PTPRR: variants seen among roughly 807,000 people sequenced by gnomAD.
PTPRR encodes the protein protein tyrosine phosphatase receptor type R, also known as receptor-type tyrosine-protein phosphatase R.
PTPRR carries 38 observed loss-of-function variants against 77.2 expected under a neutral mutation model. The observed-to-expected ratio is 0.49, with a 90% CI of 0.38 to 0.65. The LOEUF is 0.65. PTPRR is among the 30% of genes least tolerant of loss of function. The pLI is 0.00. For missense variants in PTPRR, 744 were observed against 799.2 expected (o/e 0.93, Z 0.83); for synonymous variants, 299 against 283.1 (o/e 1.06, Z -0.57).
At chr12:70,834,821 C>T (rs928588433) in intron 2 of PTPRR, among the ~76,000 whole-genome samples, 6 of 152,080 alleles carry the variant, frequency 3.9e-5, no homozygotes, top group Admixed American at 2.6e-4. Flanking sequence ...GCATCCTGAT[C>T]ATTTGCCTTC....
chr12:70,794,873 A>G (rs1336177193), intron 2 of PTPRR, among the ~76,000 whole-genome samples: 1 of 151,588 alleles, frequency 6.6e-6, no homozygotes, highest in African/African-American at 2.4e-5. Context: ...GGTGACCCGG[A>G]GAGTAAGAGC....
At chr12:70,815,373 G>T (rs908530817) in intron 2 of PTPRR, among the ~76,000 whole-genome samples, 6 of 152,072 alleles carry the variant, frequency 3.9e-5, no homozygotes, top group Non-Finnish European at 8.8e-5. Flanking sequence ...TGGTGGGGGG[G>T]AGTTCTTAAG....
At chr12:70,883,167 A>C (rs973031967) in intron 2 of PTPRR, among the ~76,000 whole-genome samples, 7 of 152,174 alleles carry the variant, frequency 4.6e-5, no homozygotes, top group Non-Finnish European at 8.8e-5. Context: ...AGGCTGAGGC[A>C]GGAGAATCGC....
intron 10 of PTPRR, among the ~76,000 whole-genome samples, chr12:70,675,934 TCTTTGGTG>T (rs1232661085): frequency 6.6e-6 from 1 of 151,880 alleles, no homozygotes; most frequent in African/African-American, 2.4e-5. Flanking sequence ...GTAATTACTT[TCTTTGGTG>T]CTTTTTCAGT....
At chr12:70,901,223 TAC>T (rs1565735883) in intron 1 of PTPRR, among the ~76,000 whole-genome samples, 1 of 151,554 alleles carries the variant, frequency 6.6e-6, no homozygotes. Context: ...AAAATAGAAC[TAC>T]CATATGTTCC....
At chr12:70,778,708 C>T (rs890848408) in intron 2 of PTPRR, among the ~76,000 whole-genome samples, 45 of 151,856 alleles carry the variant, frequency 3.0e-4, no homozygotes, top group African/African-American at 1.1e-3. Context: ...TTTTTTACTG[C>T]CATCATTTCA....
rs779061388 is a variant in PTPRR at position 70,761,676 on chromosome 12, T to C, written c.472-50A>G. The C allele has an allele frequency of 3.6e-6, 5 of 1,395,490 alleles. No homozygotes were observed. The Admixed American group carries it at 9.8e-5, about 27-fold the overall frequency. The allele number at this position is 1,395,490 out of a possible 1,614,324, so 86.4% of individuals were successfully genotyped here. On this transcript the variant is annotated intron_variant, in intron 3 of 13. Coordinates refer to ENST00000283228, the MANE Select transcript of PTPRR (RefSeq NM_002849.4). ...TTGTTATAGACATTTTAAACAACTT[T>C]GGATAATATTTTTACCTGTCCTTTA...
rs1471216991 is a variant in PTPRR at position 70,698,280 on chromosome 12, T to C, written c.1264A>G (p.Lys422Glu). 6.2e-7 allele frequency: 1 copy of C among 1,613,098 alleles called. No individual in the cohort carries two copies. Among genetic ancestry groups the C allele is most frequent in the Non-Finnish European group, 8.5e-7 (1 of 1,179,396 alleles). The change falls in exon 8 of 14, where the codon AAG becomes GAG. Residue 422 changes from lysine to glutamate, a missense_variant. By Grantham distance (56) the Lys-to-Glu change is moderately conservative. Around this residue, in one of 3 missense-constraint regions of PTPRR, gnomAD observed 570 missense variants for 573.2 expected, o/e 0.99. Coordinates refer to ENST00000283228, the MANE Select transcript of PTPRR (RefSeq NM_002849.4). ...IPRHGTKNRYKTILPNPLSRV... is the reference protein window; with the variant it reads ...IPRHGTKNRYETILPNPLSRV... ...AGAAGCTTACTTGGTAAAATGGTCT[T>C]ATAGCGATTTTTAGTTCCATGACGC...
chr12:70,881,875 T>C (rs1420440780), intron 2 of PTPRR, among the ~76,000 whole-genome samples: 3 of 152,218 alleles, frequency 2.0e-5, no homozygotes, highest in African/African-American at 7.2e-5. Context: ...TTTGAAATAG[T>C]TCTCTTAAGA....
intron 2 of PTPRR, among the ~76,000 whole-genome samples, chr12:70,823,226 T>G (rs1390665256): frequency 1.3e-5 from 2 of 152,018 alleles, no homozygotes; most frequent in Non-Finnish European, 2.9e-5. Flanking sequence ...AAGACTGCCT[T>G]TTAGTTAAAC....
In PTPRR at chr12:70,764,903, T is replaced by A. The variant is rs577991024; in HGVS notation, c.358-125A>T. ...TTCTTGACTCATGACTGACCACAGTTTCTGTGACTCTGCTAAGTTTACACT... is the reference window on the plus strand; with the variant it reads ...TTCTTGACTCATGACTGACCACAGTATCTGTGACTCTGCTAAGTTTACACT... On this transcript the variant is annotated intron_variant, in intron 2 of 13. Coordinates refer to ENST00000283228, the MANE Select transcript of PTPRR (RefSeq NM_002849.4). 27 of 665,380 alleles carry A rather than the reference T, an allele frequency of 4.1e-5. No individual in the cohort carries two copies. The East Asian group carries it at 7.4e-4, about 18-fold the overall frequency. The allele number at this position is 665,380 out of a possible 1,614,324, so 41.2% of individuals were successfully genotyped here.
intron 2 of PTPRR, among the ~76,000 whole-genome samples, chr12:70,809,858 C>T (rs12312403): frequency 0.024 from 3,615 of 152,196 alleles, 90 homozygotes; most frequent in African/African-American, 0.063. Flanking sequence ...CTTTTAAAAA[C>T]GATATTCTGT....
At chr12:70,901,324 T>G (rs1893530523) in intron 1 of PTPRR, among the ~76,000 whole-genome samples, 1 of 151,518 alleles carries the variant, frequency 6.6e-6, no homozygotes, top group Non-Finnish European at 1.5e-5. Flanking sequence ...TGAAGCGTTA[T>G]TCACAATAGC....
At chr12:70,707,554 C>A (rs934038786) in intron 6 of PTPRR, among the ~76,000 whole-genome samples, 7 of 152,026 alleles carry the variant, frequency 4.6e-5, no homozygotes, top group African/African-American at 7.2e-5. Flanking sequence ...GACATTGAGT[C>A]ATTTTCAATT....
At chr12:70,793,621 G>A (rs1891460213) in intron 2 of PTPRR, among the ~76,000 whole-genome samples, 1 of 152,120 alleles carries the variant, frequency 6.6e-6, no homozygotes, top group South Asian at 2.1e-4. Flanking sequence ...AAACACCTGG[G>A]AAAGCTTCAC....
At chr12:70,775,470 T>C (rs897665212) in intron 2 of PTPRR, among the ~76,000 whole-genome samples, 6 of 152,244 alleles carry the variant, frequency 3.9e-5, no homozygotes, top group Non-Finnish European at 8.8e-5. Context: ...AGTATGTGAT[T>C]AGCTTTTAGC....
chr12:70,903,490 G>C (rs1219585459), intron 1 of PTPRR, among the ~76,000 whole-genome samples: 1 of 151,598 alleles, frequency 6.6e-6, no homozygotes, highest in Admixed American at 6.6e-5. Context: ...AACAATAAAG[G>C]ACAGCCTTTT....
At chr12:70,812,847 C>G (rs139423192) in intron 2 of PTPRR, among the ~76,000 whole-genome samples, 1 of 152,268 alleles carries the variant, frequency 6.6e-6, no homozygotes, top group East Asian at 1.9e-4. Context: ...TTAAAAATTT[C>G]ACTGAATAGA....
chr12:70,863,974 G>A (rs773210451), intron 2 of PTPRR, among the ~76,000 whole-genome samples: 1 of 152,158 alleles, frequency 6.6e-6, no homozygotes, highest in Admixed American at 6.5e-5. Flanking sequence ...CCAGGCAAGT[G>A]TTTTAATTAT....
Sources: allele counts gnomAD v4.1 joint callset (sites outside exome capture counted in the v4.1 genomes callset), GRCh38; gene constraint gnomAD v4.1.1; regional missense constraint gnomAD v4.1.1; transcripts MANE v1.5; gene names NCBI Gene and HGNC (gene_info 2026-07-23, HGNC 2026-07-21).